MED15: variants seen among roughly 807,000 people sequenced by gnomAD.
The protein encoded by MED15 is mediator complex subunit 15.
Under a neutral mutation model 118.7 loss-of-function variants are expected in MED15, and 41 were observed. The observed-to-expected ratio is 0.35, with a 90% confidence interval of 0.27 to 0.45. The LOEUF (loss-of-function observed/expected upper bound fraction) is 0.45, where lower values mean the gene tolerates loss of function less well. MED15 is among the 20% of genes least tolerant of loss of function. The pLI is 1.00. For missense variants in MED15, 740 were observed against 1,025.5 expected (o/e 0.72, Z 3.80); for synonymous variants, 436 against 413.9 (o/e 1.05, Z -0.65).
At chr22:20,539,174 C>T (rs981159990) in intron 2 of MED15, among the ~76,000 whole-genome samples, 1 of 152,282 alleles carries the variant, frequency 6.6e-6, no homozygotes, top group East Asian at 1.9e-4. Flanking sequence ...TCTCGGCTCA[C>T]TGCAACCTCC....
chr22:20,553,047 G>A, intron 3 of MED15, 98 bp from the exon 4 acceptor site: 2 of 1,189,698 alleles, frequency 1.7e-6, no homozygotes, highest in South Asian at 2.7e-5. Flanking sequence ...TGGGGATTAA[G>A]GCTTGGGCAA....
Position 20,580,997 on chromosome 22 carries a change from A to G in MED15, c.1273-1614A>G, listed in dbSNP as rs114455837. ...TCTCCCAGGCAGAGGTGTCTTGACC[A>G]CAAAGCAGTGGGAACAGTCCATTCC... is the stretch of plus-strand genomic sequence containing the variant. On this transcript the variant is annotated intron_variant, in intron 9 of 17. Coordinates refer to ENST00000263205, the MANE Select transcript of MED15 (RefSeq NM_001003891.3). Among the ~76,000 whole-genome samples the G allele has an allele frequency of 4.3e-3, 649 of 152,270 alleles. 4 individuals are homozygous for G. The highest frequency in any genetic ancestry group is 0.015 in the African/African-American group (618 of 41,552).
At chr22:20,539,355 C>T (rs2055202427) in intron 2 of MED15, among the ~76,000 whole-genome samples, 2 of 152,212 alleles carry the variant, frequency 1.3e-5, no homozygotes, top group South Asian at 2.1e-4. Context: ...AGGTGATCCA[C>T]CTGCCTTGGC....
chr22:20,547,739 G>A (rs1221069268), intron 2 of MED15, among the ~76,000 whole-genome samples: 1 of 152,168 alleles, frequency 6.6e-6, no homozygotes, highest in Non-Finnish European at 1.5e-5. Context: ...AGAATAGCTT[G>A]CACCACCCGG....
rs648963 is a variant in MED15, at chr22:20,586,908, G to A, written c.*204G>A. Reference sequence around the variant, plus strand: ...CGCAGTGGAGCGGGTTGCTTGGGGGGCGTTGGCCGACTTCTTAGAGAAGGC... The same window carrying A: ...CGCAGTGGAGCGGGTTGCTTGGGGGACGTTGGCCGACTTCTTAGAGAAGGC... On this transcript the variant is annotated 3_prime_UTR_variant, in exon 18 of 18. Transcript: ENST00000263205. The A allele has an allele frequency of 1.7e-3, 1,279 of 758,876 alleles. 12 individuals carry two copies. In the African/African-American group the frequency reaches 0.02, roughly 12 times the overall value. 47.0% of individuals were successfully genotyped at this position (758,876 alleles called of 1,614,324 possible).
chr22:20,544,844 C>T (rs2055462204), intron 2 of MED15, among the ~76,000 whole-genome samples: 2 of 151,818 alleles, frequency 1.3e-5, no homozygotes, highest in Admixed American at 1.3e-4. Flanking sequence ...TGTATCACTC[C>T]AGTCTTCAAG....
intron 1 of MED15, among the ~76,000 whole-genome samples, chr22:20,530,420 C>T (rs376933241): frequency 6.6e-6 from 1 of 152,184 alleles, no homozygotes; most frequent in African/African-American, 2.4e-5. Context: ...ATCCTGCCCC[C>T]CTGAGGTCAG....
In MED15 at chr22:20,564,609, TGCA is replaced by T. The variant is rs749884434; in HGVS notation, c.626_628del (p.Gln209del). Reference sequence around the variant, plus strand: ...ATGCAGCAGCAGTTCCAAGCAGTAGTGCAGCAGCAGCAGCAGCTCCAGCAGCAG... The same window carrying T: ...ATGCAGCAGCAGTTCCAAGCAGTAGTGCAGCAGCAGCAGCTCCAGCAGCAG... On this transcript the variant is annotated inframe_deletion, in exon 6 of 18. Coordinates refer to ENST00000263205, the MANE Select transcript of MED15 (RefSeq NM_001003891.3). 32 of 1,604,298 alleles carry T rather than the reference TGCA, an allele frequency of 2.0e-5. No individual in the cohort carries two copies. The highest frequency in any genetic ancestry group is 1.6e-4 in the Middle Eastern group (1 of 6,066).
chr22:20,519,106 G>A (rs11090193), intron 1 of MED15: 37,513 of 333,098 alleles, frequency 0.11, 2,854 homozygotes, highest in Non-Finnish European at 0.15. Context: ...TGCTGCCTCC[G>A]CCTCCCAAAG....
In MED15 at chr22:20,583,112, G is replaced by A; in HGVS notation, c.1538-1G>A. 6.3e-7 allele frequency: 1 copy of A among 1,588,926 alleles called. No homozygotes were observed. Among genetic ancestry groups the A allele is most frequent in the Non-Finnish European group, 8.6e-7 (1 of 1,166,256 alleles). ...TGGCCTCACCCGCCTGTGTCCTGCA[G>A]TGAACCCCAGCTCTGTCATGAGCCC... On this transcript the variant is annotated splice_acceptor_variant, in intron 11 of 17. Transcript: ENST00000263205. LOFTEE classifies it high-confidence loss of function.
At position 20,586,638 on chromosome 22, in the gene MED15, C is replaced by G; in HGVS notation, c.2301C>G (p.His767Gln). 1 of 1,613,072 alleles carries G rather than the reference C, an allele frequency of 6.2e-7. No homozygotes were observed. Among genetic ancestry groups the G allele is most frequent in the Non-Finnish European group, 8.5e-7 (1 of 1,179,992 alleles). Residue 767 changes from histidine to glutamine, a missense_variant, in exon 18 of 18, where the codon CAC becomes CAG. His to Gln is a conservative substitution (Grantham distance 24, BLOSUM62 0). Coordinates refer to ENST00000263205, the MANE Select transcript of MED15 (RefSeq NM_001003891.3). ...TSRLLQLPDK[H>Q]SVTALLNTWA... is the part of the protein sequence containing the mutation. ...GGCTGCTGCAGCTCCCGGACAAGCA[C>G]TCGGTCACCGCCTTGCTCAACACCT...
intron 8 of MED15, among the ~76,000 whole-genome samples, chr22:20,572,755 C>T (rs2056703815): frequency 6.6e-6 from 1 of 151,908 alleles, no homozygotes; most frequent in Non-Finnish European, 1.5e-5. Context: ...CCTGTCTCTA[C>T]AAAAAAATAA....
chr22:20,553,489 A>G (rs2055870672), intron 4 of MED15, among the ~76,000 whole-genome samples: 1 of 152,238 alleles, frequency 6.6e-6, no homozygotes, highest in Admixed American at 6.5e-5. Context: ...GTAGAGAATT[A>G]TTATGCTGTT....
At position 20,584,871 on chromosome 22, in the gene MED15, C is replaced by T. The variant is rs1452653143; in HGVS notation, c.1820C>T (p.Pro607Leu). Residue 607 changes from proline (P) to leucine (L), a missense_variant, in exon 15 of 18, where the codon CCC becomes CTC. Transcript: ENST00000263205. ...TGTCTCCAGCCCACTCCCCCACCGC[C>T]CCCGGTGCCACCGACCAAACAGCAG... The part of the protein sequence containing the change: ...NDMAVPTPPP[P>L]PVPPTKQQYL... 5 of 1,612,824 alleles carry T rather than the reference C, an allele frequency of 3.1e-6. 1 individual carries two copies. In the South Asian group the frequency reaches 4.4e-5, roughly 14 times the overall value.
chr22:20,566,720 C>T lies in MED15; in HGVS notation c.944C>T (p.Pro315Leu), dbSNP rs2056455512. The change falls in exon 7 of 18, where the codon CCA becomes CTA. Residue 315 changes from proline (P) to leucine (L), a missense_variant. Pro to Leu is a moderately conservative substitution (Grantham distance 98). This residue lies in a region of MED15 where 384 missense variants were observed against 506.3 expected (regional missense o/e 0.76). Coordinates refer to ENST00000263205, the MANE Select transcript of MED15 (RefSeq NM_001003891.3). ...PQQPPVAQNQ[P>L]SQLPPQSQTQ... Reference sequence around the variant, plus strand: ...CAGCCTCCAGTTGCTCAGAACCAACCATCACAACTCCCGCCACAGTCGCAG... The same window carrying T: ...CAGCCTCCAGTTGCTCAGAACCAACTATCACAACTCCCGCCACAGTCGCAG... 1.9e-6 allele frequency: 3 copies of T among 1,614,040 alleles called. No homozygotes were observed. The Admixed American group carries it at 5.0e-5, about 27-fold the overall frequency.
At chr22:20,584,638 T>C (rs2057081473) in intron 14 of MED15, 1 of 811,424 alleles carries the variant, frequency 1.2e-6, no homozygotes, top group Non-Finnish European at 1.9e-6. Context: ...GGTGCCTCCT[T>C]CACCCATTTC....
In MED15 at chr22:20,566,825, C is replaced by T. The variant is rs371120218; in HGVS notation, c.1041+8C>T. The T allele has an allele frequency of 2.5e-6, 4 of 1,612,200 alleles. No individual in the cohort carries two copies. The highest frequency in any genetic ancestry group is 3.4e-6 in the Non-Finnish European group (4 of 1,178,458). ...CAACCACCACTGAAATTTGTGAGTA[C>T]CTGTGGCCCACAGTGGAGCACATGC... On this transcript the variant is annotated splice_region_variant and intron_variant, in intron 7 of 17. Coordinates refer to ENST00000263205, the MANE Select transcript of MED15 (RefSeq NM_001003891.3).
chr22:20,558,721 G>A (rs2056113354), intron 5 of MED15, among the ~76,000 whole-genome samples: 1 of 152,146 alleles, frequency 6.6e-6, no homozygotes, highest in South Asian at 2.1e-4. Context: ...TGGGATTCCT[G>A]TAGTCAGCCA....
intron 1 of MED15, among the ~76,000 whole-genome samples, chr22:20,535,778 CG>C (rs2055049773): frequency 6.6e-6 from 1 of 151,162 alleles, no homozygotes; most frequent in South Asian, 2.1e-4. Flanking sequence ...CCAGGATGGT[CG>C]TGCTCGCCTG....
Sources: gnomAD v4.1 joint callset for allele counts (sites outside exome capture counted in the v4.1 genomes callset) on GRCh38, gnomAD v4.1.1 for gene constraint, gnomAD v4.1.1 regional missense constraint, MANE v1.5 for transcripts, NCBI Gene and HGNC (gene_info 2026-07-23, HGNC 2026-07-21) for gene names.